REEP1: variants seen among roughly 807,000 people sequenced by gnomAD.
REEP1 encodes the protein receptor expression-enhancing protein 1.
A neutral mutation model predicts 40.3 loss-of-function variants in REEP1; 22 were observed. That is an observed-to-expected ratio of 0.55 (90% CI 0.39 to 0.78). REEP1 has a LOEUF of 0.78. Ranked by LOEUF, REEP1 falls within the 30% of genes least tolerant of loss-of-function variation. REEP1 has a pLI of 0.00. For synonymous variants in REEP1, 116 were observed against 139.2 expected (o/e 0.83, Z 1.17); for missense variants, 280 against 361.1 (o/e 0.78, Z 1.82).
chr2:86,332,955 G>A (rs2104548302), intron 1 of REEP1, among the ~76,000 whole-genome samples: 1 of 152,344 alleles, frequency 6.6e-6, no homozygotes, highest in South Asian at 2.1e-4. Context: ...GCTGGCCCAG[G>A]TGGGTGGGAG....
chr2:86,220,597 G>A (rs1003179950), intron 7 of REEP1, among the ~76,000 whole-genome samples: 1 of 152,164 alleles, frequency 6.6e-6, no homozygotes, highest in Non-Finnish European at 1.5e-5. Flanking sequence ...TGTTGACATT[G>A]TATATTATAC....
At chr2:86,311,673 AG>A (rs1679771627) in intron 1 of REEP1, among the ~76,000 whole-genome samples, 1 of 152,202 alleles carries the variant, frequency 6.6e-6, no homozygotes, top group Admixed American at 6.5e-5. Flanking sequence ...ACCCTAATCC[AG>A]TATGAACTCA....
chr2:86,282,118 A>G (rs765310769), intron 2 of REEP1, 52 bp downstream of exon 2: 4 of 1,280,124 alleles, frequency 3.1e-6, no homozygotes, highest in Non-Finnish European at 4.6e-6. Context: ...CCAACATTTC[A>G]CACCTGACCT....
chr2:86,296,792 G>A (rs1307100955), intron 1 of REEP1, among the ~76,000 whole-genome samples: 2 of 152,154 alleles, frequency 1.3e-5, no homozygotes, highest in Admixed American at 1.3e-4. Context: ...GGGAGGTGGA[G>A]GTTGCAGTGA....
intron 1 of REEP1, among the ~76,000 whole-genome samples, chr2:86,290,298 A>T (rs985292754): frequency 6.6e-6 from 1 of 152,058 alleles, no homozygotes; most frequent in Admixed American, 6.6e-5. Context: ...TGGGAGGTTG[A>T]CTCCAAGAAT....
Position 86,232,008 on chromosome 2 carries a change from G to C in REEP1, c.595+617C>G, listed in dbSNP as rs562484837. ...ATCCCACGATGGGCGTGTGACACCA[G>C]AGTCAGACATTGGAGGCAGAGGTGT... On this transcript the variant is annotated intron_variant, in intron 6 of 8. Transcript: ENST00000538924. 1.8e-3 allele frequency among the ~76,000 whole-genome samples: 270 copies of C among 152,292 alleles called. 1 individual carries two copies. Among genetic ancestry groups the C allele is most frequent in the African/African-American group, 6.3e-3 (261 of 41,538 alleles).
intron 1 of REEP1, among the ~76,000 whole-genome samples, chr2:86,335,850 CAAAA>C (rs5832681): frequency 2.5e-5 from 2 of 80,586 alleles, no homozygotes; most frequent in Non-Finnish European, 2.6e-5. Context: ...GACTCGGTCT[CAAAA>C]AAAAAAAAAA....
At chr2:86,332,436 A>AAC (rs55793634) in intron 1 of REEP1, among the ~76,000 whole-genome samples, 12,364 of 136,096 alleles carry the variant, frequency 0.091, 658 homozygotes, top group Admixed American at 0.12. Context: ...CTTTCCTGGA[A>AAC]ACACACACAC....
rs950221532 is a variant in REEP1, at chr2:86,234,604, A to G, written c.418-1802T>C. 2.6e-5 allele frequency among the ~76,000 whole-genome samples: 4 copies of G among 152,364 alleles called. No homozygotes were observed. The East Asian group carries it at 7.7e-4, about 29-fold the overall frequency. On this transcript the variant is annotated intron_variant, in intron 5 of 8. Transcript: ENST00000538924. ...TAGATCTGTTCCCAACCTACCAAAGATATAAAAACCATGTCACCAGGAAAC... is the reference window on the plus strand; with the variant it reads ...TAGATCTGTTCCCAACCTACCAAAGGTATAAAAACCATGTCACCAGGAAAC...
chr2:86,314,089 C>CTTTTCTTT (rs1679883089), intron 1 of REEP1, among the ~76,000 whole-genome samples: 1 of 152,152 alleles, frequency 6.6e-6, no homozygotes, highest in East Asian at 1.9e-4. Flanking sequence ...AAAGGCTGAC[C>CTTTTCTTT]CACAGTGACT....
intron 2 of REEP1, among the ~76,000 whole-genome samples, chr2:86,275,254 C>T: frequency 6.6e-6 from 1 of 152,326 alleles, no homozygotes; most frequent in African/African-American, 2.4e-5. Context: ...AATTCCCCTG[C>T]AGGCAGGACT....
At chr2:86,334,090 C>G (rs1680896636) in intron 1 of REEP1, among the ~76,000 whole-genome samples, 1 of 152,216 alleles carries the variant, frequency 6.6e-6, no homozygotes, top group Non-Finnish European at 1.5e-5. Context: ...TCAGTGCATT[C>G]AGGTGCCAGA....
intron 1 of REEP1, among the ~76,000 whole-genome samples, chr2:86,320,863 G>A (rs1680245001): frequency 6.6e-6 from 1 of 152,246 alleles, no homozygotes; most frequent in African/African-American, 2.4e-5. Context: ...TTGTTGCCCA[G>A]GCTGGAGTGC....
At chr2:86,292,785 C>T (rs919902865) in intron 1 of REEP1, among the ~76,000 whole-genome samples, 2 of 152,102 alleles carry the variant, frequency 1.3e-5, no homozygotes, top group African/African-American at 2.4e-5. Context: ...AGGTGGTCAG[C>T]GGGTATCTGT....
At chr2:86,265,611 TA>T (rs2104311610) in intron 2 of REEP1, among the ~76,000 whole-genome samples, 1 of 152,146 alleles carries the variant, frequency 6.6e-6, no homozygotes, top group East Asian at 1.9e-4. Context: ...TACCCAACCA[TA>T]ATAAAAAATC....
chr2:86,265,294 G>C (rs953203649), intron 2 of REEP1, among the ~76,000 whole-genome samples: 8 of 152,206 alleles, frequency 5.3e-5, no homozygotes, highest in African/African-American at 1.2e-4. Flanking sequence ...GAGGGGTTTG[G>C]TAAGCATTTG....
At chr2:86,283,299 C>T (rs1678198830) in intron 1 of REEP1, among the ~76,000 whole-genome samples, 1 of 152,144 alleles carries the variant, frequency 6.6e-6, no homozygotes. Context: ...ATAAATGAAT[C>T]GAGCTGGAGG....
chr2:86,259,234 G>C (rs1382840234), intron 3 of REEP1, among the ~76,000 whole-genome samples: 8 of 149,094 alleles, frequency 5.4e-5, no homozygotes, highest in Non-Finnish European at 1.0e-4. Context: ...AGATTGCAGT[G>C]AGCCAAGATC....
At chr2:86,262,464 T>C (rs1282767311) in intron 3 of REEP1, among the ~76,000 whole-genome samples, 1 of 152,210 alleles carries the variant, frequency 6.6e-6, no homozygotes, top group Non-Finnish European at 1.5e-5. Context: ...CCATACTCCT[T>C]CACTACAGCT....
Sources: gnomAD v4.1 joint callset for allele counts (sites outside exome capture counted in the v4.1 genomes callset) on GRCh38, gnomAD v4.1.1 for gene constraint, MANE v1.5 for transcripts, NCBI Gene and HGNC (gene_info 2026-07-23, HGNC 2026-07-21) for gene names.